Variants in STARD8 observed in about 807,000 individuals in gnomAD.
The protein encoded by STARD8 is StAR related lipid transfer domain containing 8.
A neutral mutation model predicts 69.4 loss-of-function variants in STARD8; 25 were observed. The ratio of observed to expected loss-of-function variants is 0.36; its 90% CI spans 0.26 to 0.50. The LOEUF (loss-of-function observed/expected upper bound fraction) is 0.50, where lower values mean the gene tolerates loss of function less well. Ranked by LOEUF, STARD8 falls within the 20% of genes least tolerant of loss-of-function variation. The probability of loss-of-function intolerance (pLI) is 0.96; values close to 1 mark genes in which losing one functional copy is unlikely to be tolerated. For synonymous variants in STARD8, 389 were observed against 374.6 expected (o/e 1.04, Z -0.45); for missense variants, 921 against 932.5 (o/e 0.99, Z 0.16).
chrX:68,717,694 G>T lies in STARD8; in HGVS notation c.780G>T (p.Lys260Asn). Residue 260 changes from lysine to asparagine, a missense_variant, in exon 6 of 15, where the codon AAG (lysine) becomes AAT (asparagine). Physicochemically the swap from Lys to Asn is moderately conservative, Grantham distance 94 (BLOSUM62 0). Coordinates refer to ENST00000374599, the MANE Select transcript of STARD8 (RefSeq NM_001142503.3). ...TCTCAGCTGGATTTTACAGGGCCAA[G>T]AACTGGGCCGCCACCTCAGCCGGTG... is the stretch of plus-strand genomic sequence containing the variant. Reference protein sequence around the residue: ...GFLSAGFYRAKNWAATSAGGS... With the variant: ...GFLSAGFYRANNWAATSAGGS... 1 of 1,212,144 alleles carries T rather than the reference G, an allele frequency of 8.2e-7. No individual in the cohort carries two copies. The highest frequency in any genetic ancestry group is 1.1e-6 in the Non-Finnish European group (1 of 895,620).
At chrX:68,693,758 C>T (rs1362838768) in intron 2 of STARD8, 24 of 753,991 alleles carry the variant, frequency 3.2e-5, no homozygotes, top group South Asian at 6.7e-5. Flanking sequence ...GCAGTCCCTC[C>T]TGGGCTCGCC....
chrX:68,652,997 CCACACACACACCACCA>C (rs1569350932), intron 1 of STARD8, among the ~76,000 whole-genome samples: 1 of 41,188 alleles, frequency 2.4e-5, no homozygotes, highest in East Asian at 8.9e-4. Context: ...ACACCACACA[CCACACACACACCACCA>C]CACACACACA....
chrX:68,660,360 G>A (rs1261282953), intron 1 of STARD8, among the ~76,000 whole-genome samples: 2 of 111,832 alleles, frequency 1.8e-5, no homozygotes, highest in Non-Finnish European at 3.8e-5. Flanking sequence ...CGCAGAATGT[G>A]TCAGTCAGTC....
At chrX:68,682,749 G>A (rs2079808571) in intron 2 of STARD8, among the ~76,000 whole-genome samples, 1 of 112,688 alleles carries the variant, frequency 8.9e-6, no homozygotes, top group African/African-American at 3.2e-5. Flanking sequence ...AAATAAGGAT[G>A]AGCATTCTTG....
chrX:68,655,869 T>TTGATTTA, intron 1 of STARD8, among the ~76,000 whole-genome samples: 1 of 112,036 alleles, frequency 8.9e-6, no homozygotes, highest in South Asian at 3.8e-4. Context: ...AGCGAGATGA[T>TTGATTTA]GTCTGTAAAA....
At chrX:68,656,439 C>A (rs1411183811) in intron 1 of STARD8, 1 of 112,026 alleles carries the variant, frequency 8.9e-6, no homozygotes, top group Non-Finnish European at 1.9e-5. Flanking sequence ...TTGTGGAAGA[C>A]AGTGTGGCGA....
At chrX:68,713,644 G>A (rs370848841) in intron 3 of STARD8, among the ~76,000 whole-genome samples, 1 of 111,606 alleles carries the variant, frequency 9.0e-6, no homozygotes. Context: ...TCTCTGGCTG[G>A]GTTCTGTCTC....
At position 68,718,057 on chromosome X, in the gene STARD8, T is replaced by G. The variant is rs2080110998; in HGVS notation, c.1143T>G (p.Ser381Arg). 4 of 1,208,782 alleles carry G rather than the reference T, an allele frequency of 3.3e-6. No homozygotes were observed. Among genetic ancestry groups the G allele is most frequent in the Non-Finnish European group, 3.4e-6 (3 of 894,423 alleles). ...AEAEDEDDEE[S>R]GGSYAHLDDI... ...CTGAAGATGAAGATGATGAGGAGAG[T>G]GGGGGCAGCTATGCTCACCTAGACG... Residue 381 changes from serine (S) to arginine (R), a missense_variant, in exon 6 of 15, where the codon AGT becomes AGG. By Grantham distance (110) the Ser-to-Arg change is moderately radical. Coordinates refer to ENST00000374599, the MANE Select transcript of STARD8 (RefSeq NM_001142503.3).
chrX:68,651,058 C>T (rs184843581), intron 1 of STARD8, among the ~76,000 whole-genome samples: 17 of 112,482 alleles, frequency 1.5e-4, no homozygotes, highest in South Asian at 3.7e-4. Flanking sequence ...CAGGCAAATG[C>T]ACATGTACAC....
At chrX:68,712,262 T>C (rs1286152509) in intron 2 of STARD8, among the ~76,000 whole-genome samples, 1 of 111,926 alleles carries the variant, frequency 8.9e-6, no homozygotes, top group Non-Finnish European at 1.9e-5. Flanking sequence ...GGGAGGACTA[T>C]AATGAGCATG....
chrX:68,652,950 CACCACA>C, intron 1 of STARD8, among the ~76,000 whole-genome samples: 1 of 64,801 alleles, frequency 1.5e-5, no homozygotes, highest in Non-Finnish European at 3.0e-5. Flanking sequence ...ACACACACCA[CACCACA>C]CACACACACC....
intron 2 of STARD8, among the ~76,000 whole-genome samples, chrX:68,685,665 T>C (rs1312684560): frequency 1.8e-5 from 2 of 112,732 alleles, no homozygotes; most frequent in East Asian, 2.8e-4. Flanking sequence ...TCCTGCAACA[T>C]AGAGATAACT....
chrX:68,698,659 G>T (rs1309377200), intron 2 of STARD8, among the ~76,000 whole-genome samples: 1 of 111,099 alleles, frequency 9.0e-6, no homozygotes, highest in Non-Finnish European at 1.9e-5. Context: ...CAGACCATAT[G>T]CAGTTTCCTG....
At chrX:68,711,857 A>T (rs902429822) in intron 2 of STARD8, among the ~76,000 whole-genome samples, 1 of 111,258 alleles carries the variant, frequency 9.0e-6, no homozygotes, top group South Asian at 3.7e-4. Flanking sequence ...TGGGGGCAGG[A>T]CTCCATGGCA....
intron 1 of STARD8, among the ~76,000 whole-genome samples, chrX:68,653,629 C>T (rs764638897): frequency 1.6e-5 from 1 of 62,382 alleles, no homozygotes; most frequent in Non-Finnish European, 3.2e-5. Flanking sequence ...CACACACACC[C>T]CACACACCAC....
rs746872015 is a variant in STARD8 at position 68,724,124 on chromosome X, A to G, written c.3194+3A>G. On this transcript the variant is annotated splice_donor_region_variant and intron_variant, in intron 14 of 14. Transcript: ENST00000374599. ...CACATCTGCCGGGCTGACCTCAGGT[A>G]TCAGGCCTGGGACAGCCTGCTCGAC... 2 of 1,208,706 alleles carry G rather than the reference A, an allele frequency of 1.7e-6. No homozygotes were observed. Among genetic ancestry groups the G allele is most frequent in the Admixed American group, 2.2e-5 (1 of 45,988 alleles).
rs766591399 is a variant in STARD8, at chrX:68,718,638, T to C, written c.1715+9T>C. ...CTTACCAGACCCTGCAGGTGAGAGT[T>C]TGGGTTGGGATGGGGCGGACGCAGG... is the stretch of plus-strand genomic sequence containing the variant. On this transcript the variant is annotated intron_variant, in intron 6 of 14. Transcript: ENST00000374599. 3.4e-6 allele frequency: 4 copies of C among 1,183,211 alleles called. No homozygotes were observed. The highest frequency in any genetic ancestry group is 4.8e-4 in the Middle Eastern group (2 of 4,203).
intron 1 of STARD8, among the ~76,000 whole-genome samples, chrX:68,655,816 G>C (rs1296355932): frequency 2.7e-5 from 3 of 111,865 alleles, no homozygotes; most frequent in Admixed American, 9.5e-5. Flanking sequence ...GTGCTCCTGG[G>C]CCTGTCACCT....
chrX:68,670,364 G>A (rs2079720702), intron 2 of STARD8, among the ~76,000 whole-genome samples: 1 of 111,770 alleles, frequency 8.9e-6, no homozygotes, highest in Non-Finnish European at 1.9e-5. Context: ...AAAGGAAGGG[G>A]AGGTGGGGGT....
Sources: allele counts gnomAD v4.1 joint callset (sites outside exome capture counted in the v4.1 genomes callset), GRCh38; gene constraint gnomAD v4.1.1; transcripts MANE v1.5; gene names NCBI Gene and HGNC (gene_info 2026-07-23, HGNC 2026-07-21).